Variants in DNAJC3 observed in about 807,000 individuals in gnomAD.
DNAJC3 encodes the protein dnaJ homolog subfamily C member 3.
DNAJC3 carries 38 observed loss-of-function variants against 68.6 expected under a neutral mutation model. The ratio of observed to expected loss-of-function variants is 0.55; its 90% CI spans 0.43 to 0.73. The LOEUF (loss-of-function observed/expected upper bound fraction) is 0.73, where lower values mean the gene tolerates loss of function less well. DNAJC3 is among the 30% of genes least tolerant of loss of function. The pLI, the probability that DNAJC3 is intolerant of heterozygous loss-of-function variation, is 0.00. For synonymous variants in DNAJC3, 203 were observed against 204.0 expected, an observed-to-expected ratio of 1.00 and a Z score of 0.04; for missense variants, 526 against 591.9, an observed-to-expected ratio of 0.89 and a Z score of 1.16.
At chr13:95,755,552 T>A (rs544636712) in intron 4 of DNAJC3, among the ~76,000 whole-genome samples, 1 of 150,996 alleles carries the variant, frequency 6.6e-6, no homozygotes, top group African/African-American at 2.4e-5. Context: ...AGGTCAGGAG[T>A]TCGAGACCAC....
chr13:95,747,167 A>G (rs1335008352), intron 4 of DNAJC3, among the ~76,000 whole-genome samples: 1 of 152,240 alleles, frequency 6.6e-6, no homozygotes, highest in Non-Finnish European at 1.5e-5. Context: ...ATCATTTGTT[A>G]GTTCAGTGAG....
chr13:95,735,569 C>T (rs1224767137), intron 4 of DNAJC3, among the ~76,000 whole-genome samples: 3 of 151,026 alleles, frequency 2.0e-5, no homozygotes, highest in Non-Finnish European at 4.4e-5. Flanking sequence ...CTCTGATGGC[C>T]AGTGATGATG....
chr13:95,678,674 A>G (rs1379320708), intron 1 of DNAJC3, among the ~76,000 whole-genome samples: 1 of 152,112 alleles, frequency 6.6e-6, no homozygotes, highest in Non-Finnish European at 1.5e-5. Flanking sequence ...AGTTATCATT[A>G]ATAATTTATT....
chr13:95,729,791 A>G (rs1593985563), intron 4 of DNAJC3, among the ~76,000 whole-genome samples: 3 of 152,168 alleles, frequency 2.0e-5, no homozygotes, highest in East Asian at 3.9e-4. Context: ...CCTGTTGGCT[A>G]TTTATATGCC....
chr13:95,774,885 A>T (rs934082988), intron 9 of DNAJC3, among the ~76,000 whole-genome samples: 1 of 152,216 alleles, frequency 6.6e-6, no homozygotes, highest in Non-Finnish European at 1.5e-5. Flanking sequence ...TCTTATAGAC[A>T]TCATGTAGTT....
In DNAJC3 at chr13:95,760,784, C is replaced by T. The variant is rs1298503571; in HGVS notation, c.834C>T (p.Leu278=). The change falls in exon 7 of 12, where the codon CTC becomes CTT. Residue 278 remains leucine, a synonymous_variant. Coordinates refer to ENST00000602402, the MANE Select transcript of DNAJC3 (RefSeq NM_006260.5). Reference sequence around the variant, plus strand: ...AGCTGATTGAGTCAGCTGAAGAGCTCATCAGAGATGGCAGGTGAGAATATG... The same window carrying T: ...AGCTGATTGAGTCAGCTGAAGAGCTTATCAGAGATGGCAGGTGAGAATATG... ...LNKLIESAEE[L]IRDGRYTDAT... is the part of the protein sequence containing the mutation. The T allele has an allele frequency of 1.9e-6, 3 of 1,611,680 alleles. No homozygotes were observed. The highest frequency in any genetic ancestry group is 2.5e-6 in the Non-Finnish European group (3 of 1,178,864).
At chr13:95,768,916 A>G (rs1883084000) in intron 9 of DNAJC3, among the ~76,000 whole-genome samples, 1 of 152,174 alleles carries the variant, frequency 6.6e-6, no homozygotes, top group South Asian at 2.1e-4. Context: ...CAGAACTTGC[A>G]GTGAGCCGAG....
At chr13:95,776,427 G>A (rs1374111092) in intron 9 of DNAJC3, among the ~76,000 whole-genome samples, 1 of 152,174 alleles carries the variant, frequency 6.6e-6, no homozygotes, top group Non-Finnish European at 1.5e-5. Flanking sequence ...GCTTTACTGG[G>A]AGGTGGCTTA....
At chr13:95,712,662 G>A (rs1024780535) in intron 2 of DNAJC3, among the ~76,000 whole-genome samples, 18 of 152,090 alleles carry the variant, frequency 1.2e-4, no homozygotes, top group African/African-American at 1.4e-4. Context: ...ATGAGCCACC[G>A]TGCCTGGCCT....
At position 95,690,657 on chromosome 13, in the gene DNAJC3, C is replaced by CG. The variant is rs1382266306; in HGVS notation, c.82+13326dup. ...CTCCCGGACGGGGCGGCTGGCCGGG[C>CG]GGGGGGCTGACCCCCCCACCTCCCT... On this transcript the variant is annotated intron_variant, in intron 1 of 11. Transcript: ENST00000602402. 4.3e-4 allele frequency among the ~76,000 whole-genome samples: 60 copies of CG among 140,374 alleles called. 1 individual carries two copies. The East Asian group carries it at 0.013, about 30-fold the overall frequency. The allele number at this position is 140,374 out of a possible 152,430, so 92.1% of individuals were successfully genotyped here.
chr13:95,725,594 A>C (rs1881481420), intron 4 of DNAJC3, among the ~76,000 whole-genome samples: 1 of 152,102 alleles, frequency 6.6e-6, no homozygotes. Context: ...AATCCTTATT[A>C]GGCTTTGGAT....
chr13:95,721,588 A>G (rs1881324703), intron 2 of DNAJC3, among the ~76,000 whole-genome samples: 1 of 145,438 alleles, frequency 6.9e-6, no homozygotes, highest in African/African-American at 2.5e-5. Flanking sequence ...TTATCTTTTT[A>G]TTTTTCATAA....
Position 95,677,214 on chromosome 13 carries a change from G to T in DNAJC3, c.-42G>T. 1 of 1,571,532 alleles carries T rather than the reference G, an allele frequency of 6.4e-7. No individual in the cohort carries two copies. Among genetic ancestry groups the T allele is most frequent in the African/African-American group, 1.4e-5 (1 of 71,746 alleles). On this transcript the variant is annotated 5_prime_UTR_variant, in exon 1 of 12. Transcript: ENST00000602402. ...GCCGGAGCGCCGGCGCGTGCTGGTG[G>T]GCCACACACCTTTCCTCCTCTTCAC...
intron 11 of DNAJC3, among the ~76,000 whole-genome samples, chr13:95,789,203 C>T (rs1883690442): frequency 6.6e-6 from 1 of 151,712 alleles, no homozygotes. Flanking sequence ...AGGTTTGTTA[C>T]ATAGGTAAAT....
chr13:95,705,731 G>C (rs927150074), intron 1 of DNAJC3, among the ~76,000 whole-genome samples: 2 of 151,960 alleles, frequency 1.3e-5, no homozygotes, highest in East Asian at 3.9e-4. Context: ...TAGAGATGAG[G>C]TCTCATTATG....
intron 4 of DNAJC3, among the ~76,000 whole-genome samples, chr13:95,734,861 C>T (rs1457720914): frequency 6.7e-6 from 1 of 148,466 alleles, no homozygotes. Flanking sequence ...GATACATGTG[C>T]ACATTGTGCA....
intron 7 of DNAJC3, among the ~76,000 whole-genome samples, chr13:95,762,521 A>G (rs977513303): frequency 6.6e-6 from 1 of 152,196 alleles, no homozygotes; most frequent in African/African-American, 2.4e-5. Context: ...TTTAAAAAAT[A>G]TACATATAAT....
intron 9 of DNAJC3, among the ~76,000 whole-genome samples, chr13:95,766,324 GTTAT>G (rs1244855779): frequency 6.6e-6 from 1 of 152,222 alleles, no homozygotes; most frequent in Non-Finnish European, 1.5e-5. Context: ...AAGTAAGACT[GTTAT>G]TTGAGGATGC....
chr13:95,709,225 A>G lies in DNAJC3; in HGVS notation c.83-2A>G. ...ACTGATTGTTTTTAATTTTATTTTT[A>G]GGTGCTGAATGTGGAGTAAATGCAG... On this transcript the variant is annotated splice_acceptor_variant, in intron 1 of 11. Transcript: ENST00000602402. LOFTEE classifies it high-confidence loss of function. The G allele has an allele frequency of 6.6e-7, 1 of 1,516,246 alleles. No individual in the cohort carries two copies. The highest frequency in any genetic ancestry group is 8.9e-7 in the Non-Finnish European group (1 of 1,129,514). The allele number at this position is 1,516,246 out of a possible 1,614,324, so 93.9% of individuals were successfully genotyped here.
Sources: gnomAD v4.1 joint callset for allele counts (sites outside exome capture counted in the v4.1 genomes callset) on GRCh38, gnomAD v4.1.1 for gene constraint, MANE v1.5 for transcripts, NCBI Gene and HGNC (gene_info 2026-07-23, HGNC 2026-07-21) for gene names.